SCHIP1: variants seen among roughly 807,000 people sequenced by gnomAD.
The protein encoded by SCHIP1 is schwannomin interacting protein 1.
In SCHIP1, 8 loss-of-function variants were observed where a neutral mutation model predicts 29.7. The ratio of observed to expected loss-of-function variants is 0.27; its 90% CI spans 0.16 to 0.49. The LOEUF is 0.49. SCHIP1 is among the 20% of genes least tolerant of loss of function. SCHIP1 has a pLI of 0.99. For missense variants in SCHIP1, 193 were observed against 294.6 expected (o/e 0.66, Z 2.52); for synonymous variants, 76 against 94.9 (o/e 0.80, Z 1.16).
chr3:159,707,438 C>T, the SCHIP1 span, among the ~76,000 whole-genome samples: 2 of 152,054 alleles, frequency 1.3e-5, no homozygotes, highest in African/African-American at 4.8e-5. Flanking sequence ...ATAAGGGGTG[C>T]AAAATGATTA....
At chr3:159,594,283 A>G in the SCHIP1 span, among the ~76,000 whole-genome samples, 1 of 152,368 alleles carries the variant, frequency 6.6e-6, no homozygotes, top group African/African-American at 2.4e-5. Context: ...AGAGAAAATC[A>G]GCAAGTAATT....
the SCHIP1 span, among the ~76,000 whole-genome samples, chr3:159,753,053 C>G: frequency 5.9e-5 from 9 of 152,252 alleles, 1 homozygote; most frequent in South Asian, 1.9e-3. Context: ...ACTATTGGCC[C>G]TTCCCCACTT....
At chr3:159,719,982 A>G in the SCHIP1 span, among the ~76,000 whole-genome samples, 2 of 152,324 alleles carry the variant, frequency 1.3e-5, no homozygotes, top group Admixed American at 6.5e-5. Context: ...GAACCAACCC[A>G]AATGTCCATC....
chr3:159,482,043 G>A, the SCHIP1 span, among the ~76,000 whole-genome samples: 40 of 152,230 alleles, frequency 2.6e-4, no homozygotes, highest in African/African-American at 9.1e-4. Flanking sequence ...GTGCATGCAT[G>A]GATGGGGTAT....
chr3:159,570,447 A>G, the SCHIP1 span, among the ~76,000 whole-genome samples: 2 of 152,140 alleles, frequency 1.3e-5, no homozygotes, highest in Non-Finnish European at 2.9e-5. Context: ...CAAAGATCAG[A>G]TGGTTGTAGA....
At chr3:159,816,975 T>C in the SCHIP1 span, among the ~76,000 whole-genome samples, 1 of 152,152 alleles carries the variant, frequency 6.6e-6, no homozygotes, top group Non-Finnish European at 1.5e-5. Context: ...TAACCAATTA[T>C]ATATATTGTG....
chr3:159,711,004 T>A, the SCHIP1 span, among the ~76,000 whole-genome samples: 2 of 152,052 alleles, frequency 1.3e-5, no homozygotes, highest in African/African-American at 4.8e-5. Flanking sequence ...GAAAGAAATC[T>A]CTTTGTTGTG....
the SCHIP1 span, among the ~76,000 whole-genome samples, chr3:159,594,700 A>G: frequency 6.6e-6 from 1 of 152,216 alleles, no homozygotes; most frequent in African/African-American, 2.4e-5. Context: ...TATTGTTTCT[A>G]TATTTAACTA....
the SCHIP1 span, among the ~76,000 whole-genome samples, chr3:159,501,145 C>A: frequency 6.6e-6 from 1 of 152,172 alleles, no homozygotes; most frequent in Non-Finnish European, 1.5e-5. Context: ...GGGAAAGAAG[C>A]TGAGTTGTTT....
chr3:159,532,411 A>G, the SCHIP1 span, among the ~76,000 whole-genome samples: 1 of 152,184 alleles, frequency 6.6e-6, no homozygotes. Context: ...GAAAAATCTA[A>G]ACATCATTTG....
the SCHIP1 span, among the ~76,000 whole-genome samples, chr3:159,774,991 A>AT: frequency 6.6e-6 from 1 of 151,520 alleles, no homozygotes; most frequent in East Asian, 1.9e-4. Flanking sequence ...TCTTCTTAGT[A>AT]TTTATGGTTC....
At chr3:159,379,017 C>A in the SCHIP1 span, among the ~76,000 whole-genome samples, 1 of 152,124 alleles carries the variant, frequency 6.6e-6, no homozygotes, top group Admixed American at 6.5e-5. Flanking sequence ...GCACATTAAA[C>A]CTTCATTGAG....
chr3:159,496,132 A>G, the SCHIP1 span, among the ~76,000 whole-genome samples: 2 of 152,238 alleles, frequency 1.3e-5, no homozygotes, highest in Non-Finnish European at 2.9e-5. Flanking sequence ...TAAACTTTAA[A>G]CCTAAAACCA....
the SCHIP1 span, among the ~76,000 whole-genome samples, chr3:159,783,128 A>G: frequency 1.3e-3 from 196 of 152,358 alleles, no homozygotes; most frequent in African/African-American, 4.5e-3. Context: ...GCACTCTGCT[A>G]GATACTTGGG....
the SCHIP1 span, among the ~76,000 whole-genome samples, chr3:159,770,005 T>C: frequency 6.6e-6 from 1 of 152,222 alleles, no homozygotes; most frequent in Non-Finnish European, 1.5e-5. Context: ...TTCTATGTTA[T>C]AGATTAGTTT....
the SCHIP1 span, among the ~76,000 whole-genome samples, chr3:159,568,616 T>C: frequency 6.6e-6 from 1 of 152,290 alleles, no homozygotes; most frequent in African/African-American, 2.4e-5. Flanking sequence ...GGTTTCTTAA[T>C]ACTTTGCAAC....
At chr3:159,623,023 C>T in the SCHIP1 span, among the ~76,000 whole-genome samples, 1 of 152,142 alleles carries the variant, frequency 6.6e-6, no homozygotes, top group Non-Finnish European at 1.5e-5. Flanking sequence ...GTGTCATCTG[C>T]AGGATTGGCA....
the SCHIP1 span, among the ~76,000 whole-genome samples, chr3:159,448,407 G>A: frequency 1.2e-4 from 18 of 152,228 alleles, no homozygotes; most frequent in East Asian, 1.5e-3. Context: ...GGAGGTGGAC[G>A]TTGCAATCAG....
the SCHIP1 span, among the ~76,000 whole-genome samples, chr3:159,667,067 T>C: frequency 2.0e-5 from 3 of 152,376 alleles, no homozygotes; most frequent in East Asian, 5.8e-4. Context: ...ACACAGCATC[T>C]GTTCCACAGT....
Sources: allele counts gnomAD v4.1 joint callset (sites outside exome capture counted in the v4.1 genomes callset), GRCh38; gene constraint gnomAD v4.1.1; transcripts MANE v1.5; gene names NCBI Gene and HGNC (gene_info 2026-07-23, HGNC 2026-07-21).